The following NSL1 variants were observed in gnomAD, a reference collection of about 807,000 sequenced individuals.
NSL1 encodes kinetochore-associated protein NSL1 homolog.
Under a neutral mutation model 25.4 loss-of-function variants are expected in NSL1, and 11 were observed. That is an observed-to-expected ratio of 0.43 (90% confidence interval 0.27 to 0.72). The LOEUF (loss-of-function observed/expected upper bound fraction) is 0.72, where lower values mean the gene tolerates loss of function less well. Ranked by LOEUF, NSL1 falls within the 30% of genes least tolerant of loss-of-function variation. NSL1 has a pLI of 0.19. For synonymous variants in NSL1, 118 were observed against 120.6 expected (o/e 0.98, Z 0.14); for missense variants, 330 against 342.7 (o/e 0.96, Z 0.29).
At chr1:212,779,837 G>A (rs1660625431) in intron 4 of NSL1, among the ~76,000 whole-genome samples, 1 of 141,362 alleles carries the variant, frequency 7.1e-6, no homozygotes, top group Non-Finnish European at 1.6e-5. Context: ...AGGTGGGGGG[G>A]TCAGCCCCCC....
rs1240251691 is a variant in NSL1 at position 212,733,342 on chromosome 1, G to A, written c.*5066C>T. On this transcript the variant is annotated 3_prime_UTR_variant, in exon 6 of 6. Coordinates refer to ENST00000366977, the MANE Select transcript of NSL1 (RefSeq NM_015471.4). Reference sequence around the variant, plus strand: ...ACCTACTTGGGAGGCTAAGGTGGGAGGATGGCTTGAGTTGCGGGGGCAGAG... The same window carrying A: ...ACCTACTTGGGAGGCTAAGGTGGGAAGATGGCTTGAGTTGCGGGGGCAGAG... 6.6e-6 allele frequency among the ~76,000 whole-genome samples: 1 copy of A among 151,782 alleles called. No homozygotes were observed. Among genetic ancestry groups the A allele is most frequent in the Non-Finnish European group, 1.5e-5 (1 of 67,990 alleles).
At chr1:212,744,141 G>C (rs1658639135) in intron 4 of NSL1, among the ~76,000 whole-genome samples, 1 of 152,154 alleles carries the variant, frequency 6.6e-6, no homozygotes, top group Non-Finnish European at 1.5e-5. Flanking sequence ...AAGCAGGATG[G>C]GAAGGCAAAG....
chr1:212,780,426 G>A (rs1322194844), intron 4 of NSL1, among the ~76,000 whole-genome samples: 1 of 145,640 alleles, frequency 6.9e-6, no homozygotes, highest in Admixed American at 7.0e-5. Context: ...TTGTTTATCT[G>A]CTGACCTTCC....
rs746351073 is a variant in NSL1, at chr1:212,734,254, T to C, written c.*4154A>G. Among the ~76,000 whole-genome samples the C allele has an allele frequency of 2.6e-5, 4 of 152,208 alleles. No individual in the cohort carries two copies. The highest frequency in any genetic ancestry group is 4.4e-5 in the Non-Finnish European group (3 of 68,040). On this transcript the variant is annotated 3_prime_UTR_variant, in exon 6 of 6. Coordinates refer to ENST00000366977, the MANE Select transcript of NSL1 (RefSeq NM_015471.4). ...TTTTAATTCACTCAGTTAACCACTA[T>C]GCATCGAGGGCCCATCATGTGCCAG...
At chr1:212,757,551 C>A (rs1439339219) in intron 4 of NSL1, among the ~76,000 whole-genome samples, 1 of 152,144 alleles carries the variant, frequency 6.6e-6, no homozygotes, top group Non-Finnish European at 1.5e-5. Context: ...CCTCAGTGAG[C>A]TTTCAATCAT....
intron 1 of NSL1, among the ~76,000 whole-genome samples, chr1:212,790,307 G>A (rs557837267): frequency 1.0e-3 from 156 of 152,212 alleles, no homozygotes; most frequent in African/African-American, 3.6e-3. Context: ...GATTACAGGC[G>A]TGAGCCACCG....
At chr1:212,785,084 T>C (rs1462039741) in intron 2 of NSL1, among the ~76,000 whole-genome samples, 1 of 152,142 alleles carries the variant, frequency 6.6e-6, no homozygotes, top group Non-Finnish European at 1.5e-5. Flanking sequence ...AACCAGGCTG[T>C]AAAGGGTATT....
At chr1:212,784,226 C>T (rs891034346) in intron 3 of NSL1, 137 bp downstream of exon 3, 19 of 539,220 alleles carry the variant, frequency 3.5e-5, no homozygotes, top group East Asian at 1.2e-4. Context: ...TAAAGTCTTA[C>T]AAGAGACAAA....
At position 212,776,700 on chromosome 1, in the gene NSL1, C is replaced by T. The variant is rs73083711; in HGVS notation, c.499+5672G>A. Among the ~76,000 whole-genome samples, 768 of 145,068 alleles carry T rather than the reference C, an allele frequency of 5.3e-3. 4 individuals are homozygous for T. Among genetic ancestry groups the T allele is most frequent in the African/African-American group, 0.019 (728 of 37,846 alleles). On this transcript the variant is annotated intron_variant, in intron 4 of 5. Transcript: ENST00000366977. ...ACAATGGAAGGCAATAAAAGGAAAA[C>T]GGTAAAACAAAACAAAACAAAACAA...
At position 212,727,550 on chromosome 1, in the gene NSL1, C is replaced by T. The variant is rs138005414; in HGVS notation, c.*10858G>A. 3.2e-4 allele frequency: 313 copies of T among 985,404 alleles called. 3 individuals are homozygous for T. The East Asian group carries it at 0.016, about 51-fold the overall frequency. 61.0% of individuals were successfully genotyped at this position (985,404 alleles called of 1,614,324 possible). A position where few individuals can be genotyped will look rare whatever the true frequency, so the allele number is the denominator to read the frequency against. On this transcript the variant is annotated 3_prime_UTR_variant, in exon 6 of 6. Transcript: ENST00000366977. Reference sequence around the variant, plus strand: ...TGGAGAGAAAGGACAATGAATTAGACGTGTGCCACATACTTCTCTCAAAAA... The same window carrying T: ...TGGAGAGAAAGGACAATGAATTAGATGTGTGCCACATACTTCTCTCAAAAA...
Position 212,733,229 on chromosome 1 carries a change from C to A in NSL1, c.*5179G>T, listed in dbSNP as rs556597073. On this transcript the variant is annotated 3_prime_UTR_variant, in exon 6 of 6. Transcript: ENST00000366977. ...GAGGTGGGCGGATCGCTTGAGCTCA[C>A]GAGTTTGAGACCAGCCACATAGCGA... 9.9e-5 allele frequency among the ~76,000 whole-genome samples: 15 copies of A among 152,070 alleles called. No homozygotes were observed. Among genetic ancestry groups the A allele is most frequent in the African/African-American group, 3.1e-4 (13 of 41,504 alleles).
intron 4 of NSL1, among the ~76,000 whole-genome samples, chr1:212,779,491 C>T (rs1660584663): frequency 7.8e-6 from 1 of 127,836 alleles, no homozygotes; most frequent in Non-Finnish European, 1.7e-5. Flanking sequence ...GCCAGCCGCC[C>T]CGTCCGGGAG....
At position 212,728,184 on chromosome 1, in the gene NSL1, C is replaced by T; in HGVS notation, c.*10224G>A. 6 of 928,018 alleles carry T rather than the reference C, an allele frequency of 6.5e-6. No homozygotes were observed. The highest frequency in any genetic ancestry group is 7.7e-6 in the Non-Finnish European group (6 of 777,882). 57.5% of individuals were successfully genotyped at this position (928,018 alleles called of 1,614,324 possible). A position where few individuals can be genotyped will look rare whatever the true frequency, so the allele number is the denominator to read the frequency against. On this transcript the variant is annotated 3_prime_UTR_variant, in exon 6 of 6. Transcript: ENST00000366977. ...GTGCATGTGAAGCTTTTAGCATGAT[C>T]ATGGCATGTAGTAAGCACTCAATAC...
chr1:212,745,186 A>AC (rs1658723237), intron 4 of NSL1, among the ~76,000 whole-genome samples: 6 of 21,426 alleles, frequency 2.8e-4, no homozygotes, highest in Admixed American at 2.6e-4. Context: ...ATATATATAT[A>AC]TATATATATA....
At chr1:212,766,780 CAAT>C (rs1171581776) in intron 4 of NSL1, among the ~76,000 whole-genome samples, 5 of 152,040 alleles carry the variant, frequency 3.3e-5, no homozygotes, top group Admixed American at 6.6e-5. Context: ...TACACACCAA[CAAT>C]GACCAAGCTG....
At chr1:212,748,762 C>T (rs531790079) in intron 4 of NSL1, among the ~76,000 whole-genome samples, 6 of 152,180 alleles carry the variant, frequency 3.9e-5, no homozygotes, top group African/African-American at 1.4e-4. Context: ...TACAGGGTAT[C>T]CATAAGGCTG....
chr1:212,727,608 T>C lies in NSL1; in HGVS notation c.*10800A>G. 2.0e-6 allele frequency: 2 copies of C among 985,422 alleles called. No homozygotes were observed. The highest frequency in any genetic ancestry group is 1.2e-6 in the Non-Finnish European group (1 of 829,900). The allele number at this position is 985,422 out of a possible 1,614,324, so 61.0% of individuals were successfully genotyped here. On this transcript the variant is annotated 3_prime_UTR_variant, in exon 6 of 6. Coordinates refer to ENST00000366977, the MANE Select transcript of NSL1 (RefSeq NM_015471.4). ...ACTCAGTTGTCTGGAAGTTGTTTTG[T>C]AACCTTCTAAAATTCACACGTCACA... is the stretch of plus-strand genomic sequence containing the variant.
At chr1:212,764,193 T>G (rs1328658671) in intron 4 of NSL1, among the ~76,000 whole-genome samples, 1 of 152,196 alleles carries the variant, frequency 6.6e-6, no homozygotes, top group Non-Finnish European at 1.5e-5. Context: ...GGGTTAACAA[T>G]GAAATCAATA....
At chr1:212,755,456 A>C (rs935198523) in intron 4 of NSL1, among the ~76,000 whole-genome samples, 10 of 151,782 alleles carry the variant, frequency 6.6e-5, no homozygotes, top group African/African-American at 2.4e-4. Context: ...ATATTATTTA[A>C]ATAAAATTGT....
Sources: gnomAD v4.1 joint callset for allele counts (sites outside exome capture counted in the v4.1 genomes callset) on GRCh38, gnomAD v4.1.1 for gene constraint, MANE v1.5 for transcripts, NCBI Gene and HGNC (gene_info 2026-07-23, HGNC 2026-07-21) for gene names.